SLC2A13: variants seen among roughly 807,000 people sequenced by gnomAD.
The protein encoded by SLC2A13 is proton myo-inositol cotransporter.
SLC2A13 carries 32 observed loss-of-function variants against 64.4 expected under a neutral mutation model. That is an observed-to-expected ratio of 0.50 (90% CI 0.37 to 0.67). The LOEUF is 0.67. SLC2A13 is among the 30% of genes least tolerant of loss of function. The pLI is 0.00. For missense variants in SLC2A13, 743 were observed against 829.2 expected (o/e 0.90, Z 1.28); for synonymous variants, 338 against 327.1 (o/e 1.03, Z -0.36).
At chr12:39,968,201 T>C (rs1434503958) in intron 3 of SLC2A13, among the ~76,000 whole-genome samples, 2 of 152,148 alleles carry the variant, frequency 1.3e-5, no homozygotes, top group Non-Finnish European at 2.9e-5. Flanking sequence ...AAAGCAAACA[T>C]GTCCTTCTTA....
chr12:39,864,778 T>A lies in SLC2A13; in HGVS notation c.1303A>T (p.Thr435Ser), dbSNP rs201928125. The A allele has an allele frequency of 4.0e-5, 65 of 1,613,972 alleles. 1 individual carries two copies. The East Asian group carries it at 7.8e-4, about 19-fold the overall frequency. ...GAATCTCACCTGTATCTTGTGCAAG[T>A]GGCGTTCTGACCTGACGGAGCTATT... ...KPIAPSGQNA[T>S]CTRYSYCNEC... Residue 435 changes from threonine (T) to serine (S), a missense_variant, in exon 6 of 10, where the codon ACT becomes TCT. Around this residue, in one of 2 missense-constraint regions of SLC2A13, gnomAD observed 295 missense variants for 381.7 expected, o/e 0.77. Transcript: ENST00000280871.
intron 4 of SLC2A13, among the ~76,000 whole-genome samples, chr12:39,946,638 T>C (rs565652864): frequency 6.0e-4 from 91 of 152,218 alleles, no homozygotes; most frequent in African/African-American, 2.1e-3. Context: ...GTCAGGGAAG[T>C]GGGTGAAAGC....
chr12:39,989,510 T>A (rs1947094577), intron 3 of SLC2A13, among the ~76,000 whole-genome samples: 1 of 152,178 alleles, frequency 6.6e-6, no homozygotes. Flanking sequence ...CCCCCAATGG[T>A]GCCTGGCATG....
intron 3 of SLC2A13, among the ~76,000 whole-genome samples, chr12:39,970,949 C>G (rs1946637092): frequency 6.6e-6 from 1 of 152,064 alleles, no homozygotes; most frequent in African/African-American, 2.4e-5. Flanking sequence ...ATTTTTCTTT[C>G]CGGTATGGCT....
Position 39,808,448 on chromosome 12 carries a change from T to C in SLC2A13, c.1445+21655A>G, listed in dbSNP as rs554198069. On this transcript the variant is annotated intron_variant, in intron 7 of 9. Transcript: ENST00000280871. ...ATTTGTTGGACACATTTTATTTCAT[T>C]TGACTAAATGTGTCATAATTGAATT... 1.4e-4 allele frequency among the ~76,000 whole-genome samples: 22 copies of C among 152,300 alleles called. No individual in the cohort carries two copies. The East Asian group carries it at 2.5e-3, about 17-fold the overall frequency.
At position 39,935,291 on chromosome 12, in the gene SLC2A13, G is replaced by T. The variant is rs186245140; in HGVS notation, c.1034+15966C>A. Among the ~76,000 whole-genome samples the T allele has an allele frequency of 8.3e-4, 127 of 152,292 alleles. 2 individuals are homozygous for T. The highest frequency in any genetic ancestry group is 3.0e-3 in the African/African-American group (124 of 41,564). ...ACCTATCCAATATTATAAATCATTA[G>T]ATATGTCATTATAGCCTGTCACTAA... is the stretch of plus-strand genomic sequence containing the variant. On this transcript the variant is annotated intron_variant, in intron 4 of 9. Transcript: ENST00000280871.
chr12:39,839,439 T>C (rs1329022974), intron 6 of SLC2A13, among the ~76,000 whole-genome samples: 1 of 152,090 alleles, frequency 6.6e-6, no homozygotes, highest in Non-Finnish European at 1.5e-5. Context: ...GGTACTAATT[T>C]CATGAAGCAA....
intron 6 of SLC2A13, among the ~76,000 whole-genome samples, chr12:39,834,718 G>C (rs891363620): frequency 6.6e-6 from 1 of 151,966 alleles, no homozygotes; most frequent in African/African-American, 2.4e-5. Context: ...ATCTGCCTCT[G>C]TCTTCTGGAG....
chr12:39,825,782 C>T (rs148851823), intron 7 of SLC2A13, among the ~76,000 whole-genome samples: 15 of 151,868 alleles, frequency 9.9e-5, no homozygotes, highest in African/African-American at 2.2e-4. Flanking sequence ...TTGATCCTTC[C>T]GAGTATTTCT....
intron 3 of SLC2A13, among the ~76,000 whole-genome samples, chr12:39,956,816 C>T (rs117650596): frequency 0.01 from 1,578 of 152,154 alleles, 7 homozygotes; most frequent in Non-Finnish European, 0.016. Flanking sequence ...AAAAGTGGAA[C>T]ACTTTGTGAC....
chr12:39,964,838 C>T lies in SLC2A13; in HGVS notation c.926-13473G>A, dbSNP rs572085971. Among the ~76,000 whole-genome samples, 10 of 152,226 alleles carry T rather than the reference C, an allele frequency of 6.6e-5. No homozygotes were observed. In the East Asian group the frequency reaches 1.9e-3, roughly 29 times the overall value. On this transcript the variant is annotated intron_variant, in intron 3 of 9. Coordinates refer to ENST00000280871, the MANE Select transcript of SLC2A13 (RefSeq NM_052885.4). ...TCTATCTTGGTCAATTAAACTCTTTCCATGAAAGCTATAAGAGGCTGCTGA... is the reference window on the plus strand; with the variant it reads ...TCTATCTTGGTCAATTAAACTCTTTTCATGAAAGCTATAAGAGGCTGCTGA...
chr12:40,043,171 C>T (rs1258577021), intron 2 of SLC2A13, among the ~76,000 whole-genome samples: 5 of 151,942 alleles, frequency 3.3e-5, no homozygotes, highest in Non-Finnish European at 5.9e-5. Flanking sequence ...TAGTGGCATG[C>T]CCAGATAAGT....
intron 4 of SLC2A13, among the ~76,000 whole-genome samples, chr12:39,943,761 T>G (rs1288524129): frequency 1.3e-5 from 2 of 152,206 alleles, no homozygotes; most frequent in Admixed American, 6.5e-5. Context: ...GACTGTGCCA[T>G]GAAGGACAGT....
At chr12:39,961,988 G>A (rs1391891685) in intron 3 of SLC2A13, among the ~76,000 whole-genome samples, 1 of 152,136 alleles carries the variant, frequency 6.6e-6, no homozygotes, top group Non-Finnish European at 1.5e-5. Context: ...CATAAATATG[G>A]GGTGTTTACT....
At chr12:40,096,394 T>C (rs192616562) in intron 1 of SLC2A13, among the ~76,000 whole-genome samples, 1 of 152,176 alleles carries the variant, frequency 6.6e-6, no homozygotes, top group East Asian at 1.9e-4. Flanking sequence ...TATATTTTCT[T>C]TTAAGTAAAT....
At chr12:40,069,474 AAAAAG>A (rs1663759200) in intron 1 of SLC2A13, among the ~76,000 whole-genome samples, 1 of 152,124 alleles carries the variant, frequency 6.6e-6, no homozygotes, top group Non-Finnish European at 1.5e-5. Context: ...AAGTCAGAGA[AAAAAG>A]AAAAGTCTCC....
chr12:40,017,615 G>A (rs1037354423), intron 3 of SLC2A13, among the ~76,000 whole-genome samples: 3 of 152,178 alleles, frequency 2.0e-5, no homozygotes, highest in African/African-American at 7.2e-5. Context: ...TGATAGTACA[G>A]CTGGCTCCAG....
intron 7 of SLC2A13, among the ~76,000 whole-genome samples, chr12:39,783,574 G>A (rs986390099): frequency 2.6e-5 from 4 of 152,202 alleles, no homozygotes; most frequent in African/African-American, 9.7e-5. Flanking sequence ...TAACTGGTGA[G>A]AGATGGTATC....
chr12:39,890,864 T>C (rs884864), intron 4 of SLC2A13, among the ~76,000 whole-genome samples: 39,497 of 151,886 alleles, frequency 0.26, 5,560 homozygotes, highest in East Asian at 0.6. Context: ...TATGAGAAAA[T>C]AGAACTACTC....
Sources: allele counts gnomAD v4.1 joint callset (sites outside exome capture counted in the v4.1 genomes callset), GRCh38; gene constraint gnomAD v4.1.1; regional missense constraint gnomAD v4.1.1; transcripts MANE v1.5; gene names NCBI Gene and HGNC (gene_info 2026-07-23, HGNC 2026-07-21).